GUCY1A2: variants seen among roughly 807,000 people sequenced by gnomAD.
The protein encoded by GUCY1A2 is guanylate cyclase soluble subunit alpha-2.
Under a neutral mutation model 63.5 loss-of-function variants are expected in GUCY1A2, and 27 were observed. The ratio of observed to expected loss-of-function variants is 0.43; its 90% CI spans 0.31 to 0.59. The LOEUF (loss-of-function observed/expected upper bound fraction) is 0.59. Among genes scored for constraint, GUCY1A2 ranks in the 20% least tolerant of loss-of-function variants. GUCY1A2 has a pLI of 0.11. For synonymous variants in GUCY1A2, 364 were observed against 343.5 expected, an observed-to-expected ratio of 1.06 and a Z score of -0.66; for missense variants, 768 against 913.3, an observed-to-expected ratio of 0.84 and a Z score of 2.05.
At position 106,864,253 on chromosome 11, in the gene GUCY1A2, A is replaced by G. The variant is rs1205464635; in HGVS notation, c.1207-53775T>C. On this transcript the variant is annotated intron_variant, in intron 4 of 7. Transcript: ENST00000526355. ...AGAAGAAAGATAATGCCAGACTTGAATTCTCTCTACCCAGGACTTTTTTTA... is the reference window on the plus strand; with the variant it reads ...AGAAGAAAGATAATGCCAGACTTGAGTTCTCTCTACCCAGGACTTTTTTTA... Among the ~76,000 whole-genome samples the G allele has an allele frequency of 2.6e-5, 4 of 152,048 alleles. No individual in the cohort carries two copies. In the East Asian group the frequency reaches 7.8e-4, roughly 29 times the overall value.
chr11:106,709,185 T>C (rs1862980484), intron 6 of GUCY1A2, among the ~76,000 whole-genome samples: 2 of 129,510 alleles, frequency 1.5e-5, no homozygotes, highest in South Asian at 4.5e-4. Flanking sequence ...ATATATTATA[T>C]ATAACTATAT....
chr11:106,798,592 A>T (rs1864811124), intron 5 of GUCY1A2, among the ~76,000 whole-genome samples: 1 of 152,210 alleles, frequency 6.6e-6, no homozygotes, highest in African/African-American at 2.4e-5. Flanking sequence ...CATCCCTGGG[A>T]TGCAAGGCTG....
chr11:106,988,696 A>G (rs1861433564), intron 1 of GUCY1A2, among the ~76,000 whole-genome samples: 1 of 152,226 alleles, frequency 6.6e-6, no homozygotes, highest in East Asian at 1.9e-4. Context: ...ATTTCTTGCC[A>G]AAGTGGGCAG....
chr11:106,864,286 G>T (rs567773523), intron 4 of GUCY1A2, among the ~76,000 whole-genome samples: 2 of 151,918 alleles, frequency 1.3e-5, no homozygotes, highest in East Asian at 3.9e-4. Context: ...TTAAAAACTC[G>T]TATGGCAATT....
At chr11:106,689,292 T>C (rs751880899) in intron 7 of GUCY1A2, among the ~76,000 whole-genome samples, 7 of 152,150 alleles carry the variant, frequency 4.6e-5, no homozygotes, top group Non-Finnish European at 1.0e-4. Context: ...ACTAGAGCTA[T>C]AGTATTTTGA....
At chr11:106,869,273 T>A (rs956115039) in intron 4 of GUCY1A2, among the ~76,000 whole-genome samples, 4 of 152,026 alleles carry the variant, frequency 2.6e-5, no homozygotes, top group African/African-American at 9.7e-5. Flanking sequence ...CTAATTAAAC[T>A]AAAGAGCTTC....
chr11:107,006,122 C>A (rs1861668124), intron 1 of GUCY1A2, among the ~76,000 whole-genome samples: 1 of 152,286 alleles, frequency 6.6e-6, no homozygotes, highest in African/African-American at 2.4e-5. Flanking sequence ...GCGAATTTAT[C>A]CAGTGATGCC....
chr11:106,765,965 A>G (rs1293414902), intron 6 of GUCY1A2, among the ~76,000 whole-genome samples: 1 of 152,186 alleles, frequency 6.6e-6, no homozygotes, highest in Admixed American at 6.6e-5. Context: ...TTTACACACA[A>G]GGTGACAATT....
intron 7 of GUCY1A2, 80 bp downstream of exon 7, chr11:106,708,432 A>G (rs1862955577): frequency 1.8e-6 from 2 of 1,111,410 alleles, no homozygotes; most frequent in African/African-American, 3.2e-5. Flanking sequence ...ATCAAGAAAA[A>G]GAACAGGGAC....
intron 3 of GUCY1A2, among the ~76,000 whole-genome samples, chr11:106,954,704 T>C (rs1483159193): frequency 6.6e-6 from 1 of 152,216 alleles, no homozygotes; most frequent in Non-Finnish European, 1.5e-5. Context: ...TGGGTACATA[T>C]ATATTTAGAA....
chr11:106,819,526 C>G (rs1858874021), intron 4 of GUCY1A2, among the ~76,000 whole-genome samples: 1 of 152,012 alleles, frequency 6.6e-6, no homozygotes, highest in Non-Finnish European at 1.5e-5. Flanking sequence ...GACCCTCCAC[C>G]AGCAAAAAAG....
intron 1 of GUCY1A2, among the ~76,000 whole-genome samples, chr11:107,014,554 T>C (rs1264525984): frequency 6.6e-6 from 1 of 152,202 alleles, no homozygotes; most frequent in African/African-American, 2.4e-5. Flanking sequence ...CAATACAACT[T>C]ACTCTTATTA....
intron 7 of GUCY1A2, among the ~76,000 whole-genome samples, chr11:106,696,743 G>A (rs748625235): frequency 4.2e-4 from 64 of 151,976 alleles, no homozygotes; most frequent in Non-Finnish European, 6.9e-4. Flanking sequence ...GAGTTCAACC[G>A]ACTTCTTATA....
At chr11:106,966,579 G>A (rs7938459) in intron 3 of GUCY1A2, among the ~76,000 whole-genome samples, 23,335 of 152,038 alleles carry the variant, frequency 0.15, 2,116 homozygotes, top group South Asian at 0.25. Flanking sequence ...TTGTATTGAT[G>A]GAACAAAGTA....
chr11:106,758,272 C>G (rs1363184278), intron 6 of GUCY1A2, among the ~76,000 whole-genome samples: 1 of 152,234 alleles, frequency 6.6e-6, no homozygotes, highest in African/African-American at 2.4e-5. Flanking sequence ...TCTTAGCTTG[C>G]TGGGCTATGT....
chr11:106,795,660 C>T (rs1229575393), intron 5 of GUCY1A2, among the ~76,000 whole-genome samples: 1 of 152,106 alleles, frequency 6.6e-6, no homozygotes, highest in African/African-American at 2.4e-5. Context: ...CATTTCAAAG[C>T]TTGAAAAATG....
chr11:107,006,325 G>C (rs1431382715), intron 1 of GUCY1A2, among the ~76,000 whole-genome samples: 2 of 152,224 alleles, frequency 1.3e-5, no homozygotes, highest in East Asian at 1.9e-4. Flanking sequence ...TTGAGTGAGA[G>C]ATTAGTGAGA....
chr11:106,936,240 CA>C (rs548765770), intron 4 of GUCY1A2, among the ~76,000 whole-genome samples: 1 of 151,854 alleles, frequency 6.6e-6, no homozygotes, highest in East Asian at 1.9e-4. Context: ...CATTAAGCTG[CA>C]AAAAAAATTC....
chr11:106,861,063 G>C (rs191729105), intron 4 of GUCY1A2, among the ~76,000 whole-genome samples: 1 of 151,998 alleles, frequency 6.6e-6, no homozygotes, highest in East Asian at 1.9e-4. Flanking sequence ...ATCCTCCTGA[G>C]TCTCCTTGAA....
Sources: gnomAD v4.1 joint callset for allele counts (sites outside exome capture counted in the v4.1 genomes callset) on GRCh38, gnomAD v4.1.1 for gene constraint, MANE v1.5 for transcripts, NCBI Gene and HGNC (gene_info 2026-07-23, HGNC 2026-07-21) for gene names.